Variants in RIMKLB observed in about 807,000 individuals in gnomAD.
RIMKLB encodes ribosomal modification protein rimK like family member B.
In RIMKLB, 7 loss-of-function variants were observed where a neutral mutation model predicts 32.0. The observed-to-expected ratio is 0.22, with a 90% CI of 0.12 to 0.41. The LOEUF (loss-of-function observed/expected upper bound fraction) is 0.41, where lower values mean the gene tolerates loss of function less well. Ranked by LOEUF, RIMKLB falls within the 10% of genes least tolerant of loss-of-function variation. RIMKLB has a pLI of 1.00. For missense variants in RIMKLB, 289 were observed against 498.7 expected (o/e 0.58, Z 4.00); for synonymous variants, 172 against 185.1 (o/e 0.93, Z 0.57).
At chr12:8,777,214 T>G (rs767285462), downstream of RIMKLB, 295 of 907,360 alleles carry the variant, frequency 3.3e-4, no homozygotes, top group East Asian at 1.6e-3. Flanking sequence ...TTGCTTGCTT[T>G]CTTTTTTTTT....
At chr12:8,777,294 G>A (rs1950794320), downstream of RIMKLB, 1 of 970,354 alleles carries the variant, frequency 1.0e-6, no homozygotes, top group Non-Finnish European at 1.2e-6. Flanking sequence ...GGCACCTTTG[G>A]AGCTTGGATT....
chr12:8,677,681 T>C (rs369241015), upstream of RIMKLB, among the ~76,000 whole-genome samples: 73 of 152,122 alleles, frequency 4.8e-4, 1 homozygote, highest in East Asian at 0.011. Flanking sequence ...ATGACATACA[T>C]AGCTATTCAT....
rs1369654627 is a variant in RIMKLB at position 8,775,789 on chromosome 12, C to CA, written c.*2006dup. 1.0e-6 allele frequency: 1 copy of CA among 985,152 alleles called. No individual in the cohort carries two copies. Among genetic ancestry groups the CA allele is most frequent in the Non-Finnish European group, 1.2e-6 (1 of 829,586 alleles). The allele number at this position is 985,152 out of a possible 1,614,324, so 61.0% of individuals were successfully genotyped here. A position where few individuals can be genotyped will look rare whatever the true frequency, so the allele number is the denominator to read the frequency against. On this transcript the variant is annotated 3_prime_UTR_variant, in exon 6 of 6. Transcript: ENST00000535829. ...ATCTGTGCAGTGTCTCATTTCACCTCAGAGAAAAGGATACATAAGAGGAGT... is the reference window on the plus strand; with the variant it reads ...ATCTGTGCAGTGTCTCATTTCACCTCAAGAGAAAAGGATACATAAGAGGAGT...
At chr12:8,767,160 T>C (rs1275007447) in intron 5 of RIMKLB, among the ~76,000 whole-genome samples, 2 of 152,268 alleles carry the variant, frequency 1.3e-5, no homozygotes, top group Non-Finnish European at 2.9e-5. Flanking sequence ...GTTTTAAATT[T>C]ACCCTGGCTT....
At chr12:8,734,722 T>A (rs946181879) in intron 2 of RIMKLB, among the ~76,000 whole-genome samples, 10 of 152,176 alleles carry the variant, frequency 6.6e-5, no homozygotes, top group African/African-American at 2.2e-4. Flanking sequence ...TTTAGTTGTT[T>A]CTTTTTATTA....
At chr12:8,771,199 C>G (rs1950368536) in intron 5 of RIMKLB, among the ~76,000 whole-genome samples, 1 of 152,132 alleles carries the variant, frequency 6.6e-6, no homozygotes, top group African/African-American at 2.4e-5. Context: ...CACTAGTAGA[C>G]TGAGTAGGGA....
chr12:8,772,165 A>G (rs1592020168), intron 5 of RIMKLB, among the ~76,000 whole-genome samples: 1 of 152,200 alleles, frequency 6.6e-6, no homozygotes, highest in African/African-American at 2.4e-5. Flanking sequence ...GATTACAGGC[A>G]TGAGCCATCA....
At chr12:8,693,401 C>T (rs1191493952), upstream of RIMKLB, among the ~76,000 whole-genome samples, 3 of 141,108 alleles carry the variant, frequency 2.1e-5, no homozygotes, top group Non-Finnish European at 3.1e-5. Flanking sequence ...TTCTTTCTTT[C>T]TTTTTTTTTT....
chr12:8,748,529 T>TGC (rs1948316181), intron 2 of RIMKLB, among the ~76,000 whole-genome samples: 8 of 107,024 alleles, frequency 7.5e-5, no homozygotes, highest in African/African-American at 2.5e-4. Context: ...CGTGTGTGTG[T>TGC]GTGTGTGTGT....
chr12:8,692,743 G>C (rs1333604199), upstream of RIMKLB, among the ~76,000 whole-genome samples: 2 of 152,186 alleles, frequency 1.3e-5, no homozygotes, highest in East Asian at 3.8e-4. Flanking sequence ...GGAGGGATGT[G>C]GGTGGAGAAA....
At chr12:8,771,522 G>A (rs912162244) in intron 5 of RIMKLB, among the ~76,000 whole-genome samples, 1 of 152,186 alleles carries the variant, frequency 6.6e-6, no homozygotes, top group Non-Finnish European at 1.5e-5. Context: ...TTTCTCCTTG[G>A]AAGAAGAATA....
chr12:8,745,603 A>C (rs1316443917), intron 2 of RIMKLB, among the ~76,000 whole-genome samples: 1 of 150,300 alleles, frequency 6.7e-6, no homozygotes, highest in East Asian at 2.0e-4. Flanking sequence ...CATGTTGGTC[A>C]GGCTGGTCTT....
chr12:8,778,180 G>A (rs997344487), downstream of RIMKLB, among the ~76,000 whole-genome samples: 2 of 152,156 alleles, frequency 1.3e-5, no homozygotes, highest in Non-Finnish European at 2.9e-5. Context: ...AATACACAGT[G>A]AGCTCACAGT....
chr12:8,697,363 C>A (rs1942928160), upstream of RIMKLB: 1 of 152,490 alleles, frequency 6.6e-6, no homozygotes, highest in South Asian at 2.0e-4. Context: ...CATATCTTTG[C>A]CTACCGGAGG....
In RIMKLB at chr12:8,713,947, A is replaced by G; in HGVS notation, c.81A>G (p.Leu27=). The G allele has an allele frequency of 6.2e-7, 1 of 1,614,158 alleles. No individual in the cohort carries two copies. Among genetic ancestry groups the G allele is most frequent in the Non-Finnish European group, 8.5e-7 (1 of 1,180,016 alleles). ...AAGACTATCCTCAAAAAGAGATTTT[A>G]CGAGCATTGAAGGCCAAATGTTGTG... ...IREDYPQKEI[L]RALKAKCCEE... Residue 27 remains leucine (L), a synonymous_variant, in exon 2 of 6, where the codon TTA becomes TTG. Coordinates refer to ENST00000535829, the MANE Select transcript of RIMKLB (RefSeq NM_001297776.2).
At chr12:8,701,971 A>T (rs991186955) in intron 1 of RIMKLB, among the ~76,000 whole-genome samples, 1 of 151,828 alleles carries the variant, frequency 6.6e-6, no homozygotes, top group Admixed American at 6.6e-5. Context: ...GTACCACTGC[A>T]CTCAAGTCTG....
chr12:8,739,179 G>A (rs1947274946), intron 2 of RIMKLB, among the ~76,000 whole-genome samples: 2 of 152,130 alleles, frequency 1.3e-5, no homozygotes, highest in Non-Finnish European at 2.9e-5. Flanking sequence ...GAAGAACAGT[G>A]TTCTGGAGGC....
upstream of RIMKLB, among the ~76,000 whole-genome samples, chr12:8,696,497 G>A (rs536140427): frequency 2.0e-5 from 3 of 152,194 alleles, no homozygotes; most frequent in Non-Finnish European, 4.4e-5. Flanking sequence ...CACTTGATCT[G>A]TGTCAGCTGT....
intron 2 of RIMKLB, among the ~76,000 whole-genome samples, chr12:8,719,069 C>G (rs1179272055): frequency 6.6e-6 from 1 of 152,138 alleles, no homozygotes; most frequent in African/African-American, 2.4e-5. Flanking sequence ...CTCCTTCCCT[C>G]CCTCTCACCC....
Sources: allele counts gnomAD v4.1 joint callset (sites outside exome capture counted in the v4.1 genomes callset), GRCh38; gene constraint gnomAD v4.1.1; transcripts MANE v1.5; gene names NCBI Gene and HGNC (gene_info 2026-07-23, HGNC 2026-07-21).